The following CAB39L variants were observed in gnomAD, a reference collection of about 807,000 sequenced individuals.
The protein encoded by CAB39L is calcium binding protein 39 like.
In CAB39L, 23 loss-of-function variants were observed where a neutral mutation model predicts 39.1. The ratio of observed to expected loss-of-function variants is 0.59; its 90% CI spans 0.42 to 0.83. CAB39L has a LOEUF of 0.83. CAB39L is among the 40% of genes least tolerant of loss of function. The probability of loss-of-function intolerance (pLI) is 0.00; values close to 1 mark genes in which losing one functional copy is unlikely to be tolerated. For missense variants in CAB39L, 366 were observed against 391.9 expected (o/e 0.93, Z 0.56); for synonymous variants, 126 against 137.2 (o/e 0.92, Z 0.57).
intron 10 of CAB39L, among the ~76,000 whole-genome samples, chr13:49,324,523 A>G (rs1195143318): frequency 6.6e-6 from 1 of 152,208 alleles, no homozygotes; most frequent in East Asian, 1.9e-4. Context: ...AGGTCTGGCA[A>G]AGAGGCACTT....
At chr13:49,400,217 T>C (rs1481532180) in intron 3 of CAB39L, among the ~76,000 whole-genome samples, 1 of 152,088 alleles carries the variant, frequency 6.6e-6, no homozygotes, top group Non-Finnish European at 1.5e-5. Flanking sequence ...AAACTCTGCT[T>C]AGAGTGGTGT....
intron 3 of CAB39L, among the ~76,000 whole-genome samples, chr13:49,429,332 G>T (rs778248753): frequency 4.6e-5 from 7 of 152,100 alleles, no homozygotes; most frequent in Admixed American, 6.5e-5. Flanking sequence ...ACCTCAAGCG[G>T]TCCTCCTGCC....
chr13:49,338,133 T>C (rs959966078), intron 9 of CAB39L, among the ~76,000 whole-genome samples: 7 of 152,224 alleles, frequency 4.6e-5, no homozygotes, highest in Admixed American at 4.6e-4. Context: ...GGCAGTATTT[T>C]AGAAAAGCAA....
intron 5 of CAB39L, among the ~76,000 whole-genome samples, chr13:49,361,124 A>G (rs1955616706): frequency 6.6e-6 from 1 of 152,140 alleles, no homozygotes; most frequent in South Asian, 2.1e-4. Context: ...AGAAATGCAA[A>G]TATGACCATG....
At chr13:49,433,565 C>A (rs1957360719) in intron 2 of CAB39L, among the ~76,000 whole-genome samples, 172 bp from the exon 3 acceptor site, 1 of 152,112 alleles carries the variant, frequency 6.6e-6, no homozygotes, top group Non-Finnish European at 1.5e-5. Flanking sequence ...ACTCAAGTGG[C>A]AGACCTTTCA....
intron 5 of CAB39L, among the ~76,000 whole-genome samples, chr13:49,368,148 C>T (rs1307917699): frequency 6.6e-6 from 1 of 152,092 alleles, no homozygotes; most frequent in African/African-American, 2.4e-5. Context: ...TTCATACTTC[C>T]CAGTGAAATG....
intron 6 of CAB39L, among the ~76,000 whole-genome samples, chr13:49,353,288 G>A (rs1460883923): frequency 1.3e-5 from 2 of 152,160 alleles, no homozygotes; most frequent in East Asian, 1.9e-4. Flanking sequence ...GTTGTAAAGA[G>A]GGGTATATGT....
At chr13:49,371,782 G>A (rs1349983238) in intron 5 of CAB39L, among the ~76,000 whole-genome samples, 1 of 151,940 alleles carries the variant, frequency 6.6e-6, no homozygotes, top group Non-Finnish European at 1.5e-5. Flanking sequence ...TGTAGAGACA[G>A]GGTTTTGCCA....
rs1400458659 is a variant in CAB39L, at chr13:49,393,753, TAA to T, written c.-31-10814_-31-10813del. On this transcript the variant is annotated intron_variant, in intron 3 of 10. Coordinates refer to ENST00000409308, the MANE Select transcript of CAB39L (RefSeq NM_001079670.3). ...ATATTATTTAAATGTCAGTTATTCT[TAA>T]AGTCCACAGTTTGATACAGTTCCAA... Among the ~76,000 whole-genome samples, 41 of 152,104 alleles carry T rather than the reference TAA, an allele frequency of 2.7e-4. No individual in the cohort carries two copies. In the South Asian group the frequency reaches 8.5e-3, roughly 32 times the overall value.
intron 9 of CAB39L, among the ~76,000 whole-genome samples, chr13:49,337,774 A>ACACG (rs1162892412): frequency 2.3e-5 from 3 of 129,800 alleles, no homozygotes; most frequent in Non-Finnish European, 5.0e-5. Context: ...ACACACACAC[A>ACACG]CGCCTATCTC....
intron 5 of CAB39L, among the ~76,000 whole-genome samples, chr13:49,375,568 T>C (rs1163877722): frequency 6.6e-6 from 1 of 151,944 alleles, no homozygotes; most frequent in East Asian, 1.9e-4. Context: ...ACACTGCATG[T>C]TCTCATTCAT....
chr13:49,369,414 C>A (rs185360442), intron 5 of CAB39L, among the ~76,000 whole-genome samples: 1 of 152,310 alleles, frequency 6.6e-6, no homozygotes, highest in East Asian at 1.9e-4. Flanking sequence ...ATGGCAACGA[C>A]ATGGATGAAT....
intron 8 of CAB39L, 115 bp from the exon 9 acceptor site, chr13:49,339,857 C>T: frequency 8.2e-7 from 1 of 1,226,562 alleles, no homozygotes. Flanking sequence ...TTTTACCATC[C>T]TTCTTTACAT....
At chr13:49,416,996 A>C (rs9596098) in intron 3 of CAB39L, among the ~76,000 whole-genome samples, 8,303 of 152,246 alleles carry the variant, frequency 0.055, 423 homozygotes, top group East Asian at 0.22. Flanking sequence ...AGTCTATAGT[A>C]ATTTGGTGTT....
chr13:49,320,887 G>T (rs1442844884), intron 10 of CAB39L, among the ~76,000 whole-genome samples: 1 of 152,174 alleles, frequency 6.6e-6, no homozygotes, highest in Non-Finnish European at 1.5e-5. Context: ...AGCTGGTTGG[G>T]TGTCTATAAG....
chr13:49,340,697 T>C (rs1011239158), intron 8 of CAB39L, among the ~76,000 whole-genome samples: 2 of 152,326 alleles, frequency 1.3e-5, no homozygotes, highest in East Asian at 3.9e-4. Context: ...TAAATTTGAA[T>C]AGTAAATATA....
chr13:49,429,758 T>C (rs1299688976), intron 3 of CAB39L, among the ~76,000 whole-genome samples: 1 of 152,244 alleles, frequency 6.6e-6, no homozygotes, highest in Admixed American at 6.5e-5. Context: ...AAATGTTCTC[T>C]TATAGTTTTA....
chr13:49,329,542 AAAATAT>A (rs1230100002), intron 10 of CAB39L, among the ~76,000 whole-genome samples: 22 of 38,368 alleles, frequency 5.7e-4, no homozygotes, highest in Admixed American at 1.3e-3. Context: ...ATTAAAAAAA[AAAATAT>A]ATATATATAT....
At chr13:49,436,012 T>G (rs1423367379) in intron 1 of CAB39L, among the ~76,000 whole-genome samples, 2 of 152,220 alleles carry the variant, frequency 1.3e-5, no homozygotes, top group African/African-American at 4.8e-5. Flanking sequence ...TTTAAATACT[T>G]TTTTATTAAT....
Sources: allele counts gnomAD v4.1 joint callset (sites outside exome capture counted in the v4.1 genomes callset), GRCh38; gene constraint gnomAD v4.1.1; transcripts MANE v1.5; gene names NCBI Gene and HGNC (gene_info 2026-07-23, HGNC 2026-07-21).